Variants in LOC730098 observed in about 807,000 individuals in gnomAD.
chr9:34,665,797 C>T, the LOC730098 span: 1 of 637,878 alleles, frequency 1.6e-6, no homozygotes, highest in Non-Finnish European at 2.8e-6. Context: ...CCCGAGAAGC[C>T]TCAGTTGCCA....
At chr9:34,666,045 C>G in the LOC730098 span, 2 of 308,356 alleles carry the variant, frequency 6.5e-6, no homozygotes, top group South Asian at 7.2e-5. Context: ...ACCCCGGAAA[C>G]GGACCGTTAC....
chr9:34,664,971 G>A, the LOC730098 span: 1 of 557,776 alleles, frequency 1.8e-6, no homozygotes, highest in Non-Finnish European at 3.2e-6. Context: ...TGTGGGGAGG[G>A]GCGCTCGGCT....
the LOC730098 span, chr9:34,665,111 G>A: frequency 9.1e-5 from 55 of 605,220 alleles, no homozygotes; most frequent in Admixed American, 1.5e-3. Flanking sequence ...GAGCGCTGGG[G>A]AGTAGGACCC....
At chr9:34,665,253 T>A in the LOC730098 span, 266 of 698,946 alleles carry the variant, frequency 3.8e-4, no homozygotes, top group African/African-American at 4.4e-3. Context: ...CCCCGATGGG[T>A]CCTCAGAGAC....
the LOC730098 span, chr9:34,665,582 T>G: frequency 4.1e-6 from 2 of 490,078 alleles, no homozygotes; most frequent in South Asian, 1.6e-5. Context: ...AGCCGCCTGG[T>G]TCCTCCTCCG....
At chr9:34,665,484 A>T in the LOC730098 span, 1 of 696,420 alleles carries the variant, frequency 1.4e-6, no homozygotes, top group Non-Finnish European at 2.6e-6. Flanking sequence ...CCCCGCCTCT[A>T]AAAGCGGCTC....
the LOC730098 span, chr9:34,664,977 C>A: frequency 1.8e-6 from 1 of 550,934 alleles, no homozygotes; most frequent in South Asian, 2.5e-5. Context: ...GAGGGGCGCT[C>A]GGCTCGAATG....
chr9:34,665,006 T>G, the LOC730098 span: 2 of 541,132 alleles, frequency 3.7e-6, no homozygotes, highest in South Asian at 5.1e-5. Context: ...GGCGGCAGAG[T>G]CAGGAGGTCA....
the LOC730098 span, chr9:34,665,579 T>C: frequency 2.1e-6 from 1 of 480,642 alleles, no homozygotes; most frequent in Non-Finnish European, 3.9e-6. Context: ...CGGAGCCGCC[T>C]GGTTCCTCCT....
At chr9:34,665,394 C>CGGGCGGGGCGGGGCGGGGCGGGGCG in the LOC730098 span, 2 of 426,770 alleles carry the variant, frequency 4.7e-6, no homozygotes. Context: ...AGGGCAGAGC[C>CGGGCGGGGCGGGGCGGGGCGGGGCG]GGGCGGGGCG....
chr9:34,665,458 G>A, the LOC730098 span: 5 of 687,542 alleles, frequency 7.3e-6, no homozygotes, highest in South Asian at 4.6e-5. Context: ...GTGCCTCGCC[G>A]TCGAGGAAGG....
chr9:34,665,394 CGGGCG>C, the LOC730098 span: 149 of 426,316 alleles, frequency 3.5e-4, no homozygotes, highest in East Asian at 2.5e-3. Context: ...AGGGCAGAGC[CGGGCG>C]GGGCGGGGCG....
chr9:34,665,305 C>A, the LOC730098 span: 2 of 702,196 alleles, frequency 2.8e-6, no homozygotes, highest in African/African-American at 3.5e-5. Flanking sequence ...GGTATCGCAG[C>A]CTCCTCACCT....
At chr9:34,665,199 C>T in the LOC730098 span, 1 of 653,938 alleles carries the variant, frequency 1.5e-6, no homozygotes, top group South Asian at 1.7e-5. Context: ...AGCTGTGGGG[C>T]GACCCGACAC....
At chr9:34,665,904 G>A in the LOC730098 span, 1 of 577,636 alleles carries the variant, frequency 1.7e-6, no homozygotes. Flanking sequence ...TAGGGGGCCA[G>A]GGCGAGAGGT....
chr9:34,665,033 T>C, the LOC730098 span: 1 of 588,454 alleles, frequency 1.7e-6, no homozygotes, highest in Non-Finnish European at 3.0e-6. Context: ...TGGGCTTCGG[T>C]TTAAATCTTT....
chr9:34,665,414 G>T, the LOC730098 span: 1 of 699,574 alleles, frequency 1.4e-6, no homozygotes, highest in South Asian at 1.5e-5. Context: ...GGGGCGGGGC[G>T]GGGAGGAGCT....
chr9:34,665,194 TG>T, the LOC730098 span: 2 of 651,912 alleles, frequency 3.1e-6, no homozygotes, highest in Non-Finnish European at 5.6e-6. Context: ...CGCCGAGCTG[TG>T]GGGCGACCCG....
the LOC730098 span, chr9:34,665,384 A>G: frequency 2.3e-6 from 1 of 441,450 alleles, no homozygotes; most frequent in Admixed American, 2.4e-5. Flanking sequence ...CTGCAGAGAG[A>G]GGGCAGAGCC....
Sources: allele counts gnomAD v4.1 joint callset, GRCh38; gene constraint gnomAD v4.1.1; transcripts MANE v1.5.